Variants in NFATC3 observed in about 807,000 individuals in gnomAD.
NFATC3 encodes the protein nuclear factor of activated T cells 3.
In NFATC3, 46 loss-of-function variants were observed where a neutral mutation model predicts 98.6. That is an observed-to-expected ratio of 0.47 (90% CI 0.37 to 0.60). The LOEUF (loss-of-function observed/expected upper bound fraction) is 0.60. Among genes scored for constraint, NFATC3 ranks in the 20% least tolerant of loss-of-function variants. The probability of loss-of-function intolerance (pLI) is 0.00; values close to 1 mark genes in which losing one functional copy is unlikely to be tolerated. For missense variants in NFATC3, 1,256 were observed against 1,295.5 expected (o/e 0.97, Z 0.47); for synonymous variants, 512 against 472.2 (o/e 1.08, Z -1.09).
chr16:68,156,711 G>A lies in NFATC3; in HGVS notation c.1402-1158G>A, dbSNP rs569472725. ...TCTCAGCACTTTGGGAGGTCGAGGC[G>A]GGCAGATCACCTGAGGTCAGGAGTT... On this transcript the variant is annotated intron_variant, in intron 3 of 9. Transcript: ENST00000346183. Among the ~76,000 whole-genome samples the A allele has an allele frequency of 1.9e-4, 29 of 152,208 alleles. 1 individual carries two copies. Among genetic ancestry groups the A allele is most frequent in the African/African-American group, 6.3e-4 (26 of 41,530 alleles).
At chr16:68,185,489 A>C (rs1411437584) in intron 8 of NFATC3, among the ~76,000 whole-genome samples, 2 of 152,174 alleles carry the variant, frequency 1.3e-5, no homozygotes, top group African/African-American at 4.8e-5. Context: ...ATGAGAAAGA[A>C]GAGGGCTTTC....
intron 3 of NFATC3, among the ~76,000 whole-genome samples, chr16:68,152,223 A>G (rs1395922664): frequency 6.6e-6 from 1 of 150,944 alleles, no homozygotes; most frequent in Non-Finnish European, 1.5e-5. Context: ...AAAAAAAAAA[A>G]AAAAAATTAG....
intron 3 of NFATC3, among the ~76,000 whole-genome samples, chr16:68,143,232 G>C (rs1331786193): frequency 6.9e-6 from 1 of 145,542 alleles, no homozygotes; most frequent in African/African-American, 2.6e-5. Flanking sequence ...AAAAAAAAAG[G>C]AAAGAAAGAA....
chr16:68,092,557 C>G (rs2034781077), intron 1 of NFATC3, among the ~76,000 whole-genome samples: 1 of 151,740 alleles, frequency 6.6e-6, no homozygotes, highest in Admixed American at 6.6e-5. Context: ...GTCAGGAGTT[C>G]GAGACCAGCC....
At chr16:68,219,225 C>CA (rs1159593020) in intron 9 of NFATC3, among the ~76,000 whole-genome samples, 1 of 151,352 alleles carries the variant, frequency 6.6e-6, no homozygotes, top group Non-Finnish European at 1.5e-5. Context: ...TACTAAAATA[C>CA]AAAAAAAATT....
intron 9 of NFATC3, among the ~76,000 whole-genome samples, chr16:68,205,868 A>G (rs936790656): frequency 2.0e-5 from 3 of 152,044 alleles, no homozygotes; most frequent in Non-Finnish European, 4.4e-5. Context: ...ATTCTATAAA[A>G]TACTGCTTTG....
Position 68,102,806 on chromosome 16 carries a change from C to T in NFATC3, c.103+17022C>T, listed in dbSNP as rs191926549. ...ACAGCAACTCAGCTGTATCACTTTA[C>T]ATTGCCACTAGTAATATATGAGGGT... On this transcript the variant is annotated intron_variant, in intron 1 of 9. Transcript: ENST00000346183. Among the ~76,000 whole-genome samples, 465 of 152,322 alleles carry T rather than the reference C, an allele frequency of 3.1e-3. 2 individuals are homozygous for T. The highest frequency in any genetic ancestry group is 5.3e-3 in the Non-Finnish European group (358 of 68,030).
At chr16:68,119,812 G>T (rs1350281372) in intron 1 of NFATC3, among the ~76,000 whole-genome samples, 1 of 151,906 alleles carries the variant, frequency 6.6e-6, no homozygotes, top group African/African-American at 2.4e-5. Flanking sequence ...ATTTTGTTTT[G>T]TTTACCATGG....
At chr16:68,213,092 C>G (rs1165789780) in intron 9 of NFATC3, among the ~76,000 whole-genome samples, 1 of 150,296 alleles carries the variant, frequency 6.7e-6, no homozygotes, top group Non-Finnish European at 1.5e-5. Context: ...AGCCACCATG[C>G]CCGGCCTGTT....
At chr16:68,218,626 T>G (rs952108758) in intron 9 of NFATC3, among the ~76,000 whole-genome samples, 1 of 148,508 alleles carries the variant, frequency 6.7e-6, no homozygotes. Flanking sequence ...CAGGCTGGAG[T>G]GCAGTGTGCG....
intron 8 of NFATC3, among the ~76,000 whole-genome samples, chr16:68,189,997 C>T (rs749030662): frequency 1.1e-4 from 16 of 152,094 alleles, no homozygotes; most frequent in East Asian, 1.9e-4. Context: ...CGAGATTGCA[C>T]GATGGCACTC....
At chr16:68,178,504 A>G (rs1236019978) in intron 6 of NFATC3, among the ~76,000 whole-genome samples, 2 of 152,202 alleles carry the variant, frequency 1.3e-5, no homozygotes, top group Admixed American at 1.3e-4. Context: ...GTTGAATACA[A>G]CCTTCAGGTT....
At chr16:68,217,871 C>T (rs1444660743) in intron 9 of NFATC3, 9 of 1,226,670 alleles carry the variant, frequency 7.3e-6, no homozygotes, top group Admixed American at 8.5e-5. Context: ...ATGGGCCATA[C>T]CTAGCTACAC....
intron 6 of NFATC3, among the ~76,000 whole-genome samples, chr16:68,178,537 T>C (rs545523965): frequency 2.0e-5 from 3 of 152,308 alleles, no homozygotes; most frequent in East Asian, 1.9e-4. Flanking sequence ...AGAGCTTACA[T>C]TGTAGTGGGG....
intron 3 of NFATC3, chr16:68,138,629 T>G (rs1000368286): frequency 2.2e-4 from 283 of 1,289,126 alleles, no homozygotes; most frequent in Non-Finnish European, 2.5e-4. Flanking sequence ...ACCTGGAAAT[T>G]ACTATCAATC....
Position 68,190,779 on chromosome 16 carries a change from C to G in NFATC3, c.2110C>G (p.Gln704Glu), listed in dbSNP as rs2040400835. ...CATTTTCTTTTCAGTTTTGATGAAGCAAGAACACAGAGAAGAGATTGATTT... is the reference window on the plus strand; with the variant it reads ...CATTTTCTTTTCAGTTTTGATGAAGGAAGAACACAGAGAAGAGATTGATTT... ...RFTYTPVLMK[Q>E]EHREEIDLSS... The change falls in exon 9 of 10, where the codon CAA (glutamine) becomes GAA (glutamate). Residue 704 changes from glutamine (Q) to glutamate (E), a missense_variant. By Grantham distance (29) the Gln-to-Glu change is conservative. Coordinates refer to ENST00000346183, the MANE Select transcript of NFATC3 (RefSeq NM_173165.3). 6.2e-7 allele frequency: 1 copy of G among 1,600,230 alleles called. No individual in the cohort carries two copies. Among genetic ancestry groups the G allele is most frequent in the Admixed American group, 1.7e-5 (1 of 58,084 alleles).
intron 1 of NFATC3, among the ~76,000 whole-genome samples, chr16:68,099,446 A>AT (rs886831632): frequency 2.6e-5 from 4 of 151,640 alleles, no homozygotes; most frequent in South Asian, 2.1e-4. Flanking sequence ...AAAAAAAAAA[A>AT]ATATATTAGC....
intron 9 of NFATC3, chr16:68,212,400 T>C (rs1267516905): frequency 6.6e-6 from 1 of 152,234 alleles, no homozygotes; most frequent in Non-Finnish European, 1.5e-5. Flanking sequence ...TGCAGATTTT[T>C]CCCTTCTAAG....
At chr16:68,204,235 G>A (rs1395818153) in intron 9 of NFATC3, among the ~76,000 whole-genome samples, 1 of 149,278 alleles carries the variant, frequency 6.7e-6, no homozygotes, top group Non-Finnish European at 1.5e-5. Context: ...GGTGGTGAAC[G>A]CCTGTAATTT....
Sources: gnomAD v4.1 joint callset for allele counts (sites outside exome capture counted in the v4.1 genomes callset) on GRCh38, gnomAD v4.1.1 for gene constraint, MANE v1.5 for transcripts, NCBI Gene and HGNC (gene_info 2026-07-23, HGNC 2026-07-21) for gene names.